Variants in STK24 observed in about 807,000 individuals in gnomAD.
STK24 encodes serine/threonine-protein kinase 24.
Under a neutral mutation model 55.6 loss-of-function variants are expected in STK24, and 21 were observed. That is an observed-to-expected ratio of 0.38 (90% CI 0.27 to 0.54). STK24 has a LOEUF of 0.54. Ranked by LOEUF, STK24 falls within the 20% of genes least tolerant of loss-of-function variation. The pLI is 0.79. For synonymous variants in STK24, 200 were observed against 215.2 expected (o/e 0.93, Z 0.62); for missense variants, 383 against 538.4 (o/e 0.71, Z 2.86).
chr13:98,486,882 T>G (rs545874336), intron 2 of STK24, among the ~76,000 whole-genome samples: 3 of 152,302 alleles, frequency 2.0e-5, no homozygotes, highest in African/African-American at 7.2e-5. Context: ...AAATTCTTCA[T>G]CCACAACAAG....
intron 1 of STK24, among the ~76,000 whole-genome samples, chr13:98,557,951 A>G (rs1897319051): frequency 6.6e-6 from 1 of 152,252 alleles, no homozygotes. Flanking sequence ...CTTCTAGAAC[A>G]GAGCTCAGCC....
intron 2 of STK24, among the ~76,000 whole-genome samples, chr13:98,485,180 A>T (rs763457345): frequency 1.3e-5 from 2 of 152,208 alleles, no homozygotes; most frequent in Non-Finnish European, 2.9e-5. Flanking sequence ...GGGGAACTGC[A>T]GTTGAGAAAG....
chr13:98,546,290 AGCAGTTCAG>A (rs1897027370), intron 1 of STK24, among the ~76,000 whole-genome samples: 1 of 151,798 alleles, frequency 6.6e-6, no homozygotes, highest in African/African-American at 2.4e-5. Flanking sequence ...TGATCTGGTG[AGCAGTTCAG>A]GCAGATCTCA....
chr13:98,539,029 C>T (rs1594652775), intron 1 of STK24, among the ~76,000 whole-genome samples: 1 of 152,232 alleles, frequency 6.6e-6, no homozygotes, highest in Non-Finnish European at 1.5e-5. Flanking sequence ...GACTCACACA[C>T]AGTCACTCCC....
At chr13:98,500,993 T>C (rs1895435058) in intron 2 of STK24, among the ~76,000 whole-genome samples, 1 of 145,222 alleles carries the variant, frequency 6.9e-6, no homozygotes, top group South Asian at 2.3e-4. Context: ...CACTGGCCAA[T>C]ACACATTCAA....
At chr13:98,513,707 T>C (rs1895961296) in intron 2 of STK24, among the ~76,000 whole-genome samples, 1 of 152,184 alleles carries the variant, frequency 6.6e-6, no homozygotes, top group African/African-American at 2.4e-5. Flanking sequence ...AAATCATCTC[T>C]CCATATGTAC....
intron 2 of STK24, among the ~76,000 whole-genome samples, chr13:98,515,241 T>C (rs1896016980): frequency 6.6e-6 from 1 of 151,998 alleles, no homozygotes; most frequent in African/African-American, 2.4e-5. Context: ...CTAATTAAAA[T>C]ACAAAACCAA....
In STK24 at chr13:98,494,412, C is replaced by CAAAAAAAAAAAAAAAAAAAAAAAAAAAAA. The variant is rs1162677599; in HGVS notation, c.274-12092_274-12091insTTTTTTTTTTTTTTTTTTTTTTTTTTTTT. On this transcript the variant is annotated intron_variant, in intron 2 of 10. Transcript: ENST00000539966. ...CTGGGTGACAGAGCCAGACTCGTCT[C>CAAAAAAAAAAAAAAAAAAAAAAAAAAAAA]AAAAAAAAAAAAAAAAGTGCCTCTA... 5.7e-4 allele frequency among the ~76,000 whole-genome samples: 38 copies of CAAAAAAAAAAAAAAAAAAAAAAAAAAAAA among 66,694 alleles called. 1 individual carries two copies. The highest frequency in any genetic ancestry group is 7.8e-4 in the Non-Finnish European group (26 of 33,260). The allele number at this position is 66,694 out of a possible 152,430, so 43.8% of individuals were successfully genotyped here.
At chr13:98,548,755 G>A (rs371361893) in intron 1 of STK24, among the ~76,000 whole-genome samples, 22 of 151,486 alleles carry the variant, frequency 1.5e-4, no homozygotes, top group East Asian at 5.8e-4. Flanking sequence ...CCAGCTACTC[G>A]GGAGGCTGAG....
At chr13:98,576,049 G>A (rs1162459480) in intron 1 of STK24, 1 of 985,074 alleles carries the variant, frequency 1.0e-6, no homozygotes, top group Admixed American at 6.2e-5. Flanking sequence ...AAGTCTCAAA[G>A]TGAAAGTCCA....
At chr13:98,570,169 GC>G (rs1439368753) in intron 1 of STK24, among the ~76,000 whole-genome samples, 2 of 152,036 alleles carry the variant, frequency 1.3e-5, no homozygotes, top group Middle Eastern at 3.2e-3. Context: ...GTGAGCCACC[GC>G]CCCCGGTCAA....
intron 1 of STK24, among the ~76,000 whole-genome samples, chr13:98,576,439 C>A (rs1363302254): frequency 1.3e-5 from 2 of 152,108 alleles, no homozygotes; most frequent in Non-Finnish European, 2.9e-5. Context: ...CCACCCAGGG[C>A]CTGCAGCTCC....
chr13:98,536,796 C>T (rs1295132438), intron 1 of STK24, among the ~76,000 whole-genome samples: 3 of 152,130 alleles, frequency 2.0e-5, no homozygotes, highest in Admixed American at 2.0e-4. Flanking sequence ...CTCAACAGAA[C>T]CAGAAACACA....
At chr13:98,558,847 GAAGTA>G (rs1897340498) in intron 1 of STK24, among the ~76,000 whole-genome samples, 1 of 151,966 alleles carries the variant, frequency 6.6e-6, no homozygotes, top group African/African-American at 2.4e-5. Context: ...GGTGACCACA[GAAGTA>G]AATTACAATA....
intron 10 of STK24, chr13:98,454,556 C>A (rs929108592): frequency 6.6e-6 from 1 of 152,196 alleles, no homozygotes; most frequent in Non-Finnish European, 1.5e-5. Context: ...ATACAAATGA[C>A]TAAATCACGG....
intron 1 of STK24, among the ~76,000 whole-genome samples, chr13:98,555,270 T>G (rs1897258287): frequency 6.6e-6 from 1 of 152,016 alleles, no homozygotes; most frequent in Non-Finnish European, 1.5e-5. Flanking sequence ...ACAACCCTAT[T>G]GTTGGATAAC....
chr13:98,547,326 C>T (rs181834655), intron 1 of STK24, among the ~76,000 whole-genome samples: 3 of 152,244 alleles, frequency 2.0e-5, no homozygotes, highest in East Asian at 1.9e-4. Flanking sequence ...GTGGGAGAAT[C>T]GTTTGAGGCC....
intron 3 of STK24, among the ~76,000 whole-genome samples, chr13:98,479,429 T>A (rs1226115565): frequency 2.0e-5 from 3 of 152,212 alleles, no homozygotes; most frequent in Non-Finnish European, 2.9e-5. Context: ...CAAATTTGCA[T>A]TTTTTAAAAG....
intron 1 of STK24, 98 bp downstream of exon 1, chr13:98,576,647 C>A: frequency 4.5e-6 from 5 of 1,123,250 alleles, no homozygotes; most frequent in East Asian, 7.2e-5. Context: ...CGGCGCGACC[C>A]CGGCCGGCTG....
Sources: gnomAD v4.1 joint callset for allele counts (sites outside exome capture counted in the v4.1 genomes callset) on GRCh38, gnomAD v4.1.1 for gene constraint, MANE v1.5 for transcripts, NCBI Gene and HGNC (gene_info 2026-07-23, HGNC 2026-07-21) for gene names.